Variants in SOX6 observed in about 807,000 individuals in gnomAD.
The protein encoded by SOX6 is SRY-box transcription factor 6, also known as transcription factor SOX-6.
SOX6 carries 11 observed loss-of-function variants against 97.8 expected under a neutral mutation model. The observed-to-expected ratio is 0.11, with a 90% confidence interval of 0.07 to 0.19. SOX6 has a LOEUF of 0.19. SOX6 is among the 10% of genes least tolerant of loss of function. The probability of loss-of-function intolerance (pLI) is 1.00; values close to 1 mark genes in which losing one functional copy is unlikely to be tolerated. For synonymous variants in SOX6, 360 were observed against 371.4 expected (o/e 0.97, Z 0.35); for missense variants, 810 against 1,039.5 (o/e 0.78, Z 3.04).
chr11:16,311,064 G>A (rs1260258349), intron 3 of SOX6, among the ~76,000 whole-genome samples: 1 of 152,090 alleles, frequency 6.6e-6, no homozygotes, highest in Non-Finnish European at 1.5e-5. Context: ...CAGAAGGGAT[G>A]ATTGGCTTTC....
At chr11:16,416,560 A>T (rs908424803) in intron 1 of SOX6, among the ~76,000 whole-genome samples, 1 of 152,216 alleles carries the variant, frequency 6.6e-6, no homozygotes, top group Non-Finnish European at 1.5e-5. Context: ...TATTTAAATT[A>T]AGGAGTCTTC....
chr11:16,583,150 G>C (rs1228161390), intron 4 of SOX6, among the ~76,000 whole-genome samples: 2 of 151,794 alleles, frequency 1.3e-5, no homozygotes, highest in Non-Finnish European at 2.9e-5. Context: ...TAAAGCTTTT[G>C]CATTATTTTT....
chr11:16,103,468 T>G (rs1048289194), intron 7 of SOX6, among the ~76,000 whole-genome samples: 2 of 151,830 alleles, frequency 1.3e-5, no homozygotes, highest in African/African-American at 4.8e-5. Flanking sequence ...GAAGAGTCCT[T>G]AAAGAACTAA....
At chr11:16,349,237 A>C (rs1856844309) in intron 1 of SOX6, among the ~76,000 whole-genome samples, 1 of 152,184 alleles carries the variant, frequency 6.6e-6, no homozygotes, top group East Asian at 1.9e-4. Context: ...CATTCCTTCT[A>C]ATACAGCAAA....
chr11:16,457,600 T>G (rs1349173008), intron 1 of SOX6, among the ~76,000 whole-genome samples: 1 of 152,102 alleles, frequency 6.6e-6, no homozygotes. Context: ...CAGAGTTGCA[T>G]CAAGTGAAGC....
chr11:16,581,304 T>A (rs184197509), intron 4 of SOX6, among the ~76,000 whole-genome samples: 3 of 152,086 alleles, frequency 2.0e-5, no homozygotes, highest in African/African-American at 7.2e-5. Context: ...TGCAGGGACA[T>A]GGATGAAGCA....
rs1179625688 is a variant in SOX6 at position 16,300,438 on chromosome 11, A to G, written c.445+18008T>C. Among the ~76,000 whole-genome samples the G allele has an allele frequency of 6.6e-6, 1 of 152,162 alleles. No individual in the cohort carries two copies. The highest frequency in any genetic ancestry group is 1.5e-5 in the Non-Finnish European group (1 of 68,026). On this transcript the variant is annotated intron_variant, in intron 3 of 15. Transcript: ENST00000683767. This position sits in a 1 kb window ranked among gnomAD's most constrained non-coding sequence, Gnocchi z 4.1. ...TTTTATTCTGACAAGCACTGTCTGG[A>G]GAGCTCTCAATAAATAATACATTGA...
chr11:16,624,448 T>C (rs1224169165), intron 3 of SOX6, among the ~76,000 whole-genome samples: 1 of 152,110 alleles, frequency 6.6e-6, no homozygotes, highest in Non-Finnish European at 1.5e-5. Flanking sequence ...AGTGCTGGGA[T>C]TACAGGCATG....
chr11:16,511,811 T>A (rs1247140486), intron 4 of SOX6, among the ~76,000 whole-genome samples: 3 of 152,166 alleles, frequency 2.0e-5, no homozygotes. Context: ...GACCACTGCA[T>A]CATAATTTCT....
chr11:16,081,998 A>G (rs1848482037), intron 9 of SOX6, among the ~76,000 whole-genome samples: 1 of 152,176 alleles, frequency 6.6e-6, no homozygotes, highest in Non-Finnish European at 1.5e-5. Context: ...TCCCACACAG[A>G]TATGAATAGA....
intron 3 of SOX6, chr11:16,317,763 G>A (rs752361730): frequency 5.8e-6 from 1 of 172,792 alleles, no homozygotes; most frequent in Admixed American, 5.9e-5. Context: ...CCTAAAATCT[G>A]TACATAAAAA....
intron 2 of SOX6, among the ~76,000 whole-genome samples, chr11:16,715,756 G>A (rs1293169147): frequency 2.0e-5 from 3 of 151,804 alleles, no homozygotes; most frequent in African/African-American, 7.3e-5. Context: ...TAAAAAAAAA[G>A]ATTAAAACAA....
chr11:16,653,062 G>A (rs1471585203), intron 3 of SOX6, among the ~76,000 whole-genome samples: 1 of 152,112 alleles, frequency 6.6e-6, no homozygotes, highest in Non-Finnish European at 1.5e-5. Flanking sequence ...AAACCTCAAT[G>A]AGCTACCACC....
At chr11:16,352,250 TGATGGATG>T (rs3030887) in intron 1 of SOX6, among the ~76,000 whole-genome samples, 6,373 of 147,406 alleles carry the variant, frequency 0.043, 252 homozygotes, top group African/African-American at 0.11. Flanking sequence ...AATGGGCAGA[TGATGGATG>T]GATGGATGGA....
intron 4 of SOX6, among the ~76,000 whole-genome samples, chr11:16,556,280 C>T (rs1293037938): frequency 9.2e-5 from 14 of 151,656 alleles, no homozygotes; most frequent in Admixed American, 7.9e-4. Context: ...ACAAACAACA[C>T]TCTCAGTAAA....
chr11:16,520,722 A>T (rs1309292197), intron 4 of SOX6, among the ~76,000 whole-genome samples: 1 of 152,206 alleles, frequency 6.6e-6, no homozygotes, highest in East Asian at 1.9e-4. Flanking sequence ...TCCCTTTCCC[A>T]GTCAAAGAAA....
At chr11:16,486,387 T>C (rs989172652) in intron 4 of SOX6, among the ~76,000 whole-genome samples, 5 of 152,192 alleles carry the variant, frequency 3.3e-5, no homozygotes, top group African/African-American at 1.2e-4. Context: ...ACACCTATTA[T>C]TGTCTTTTTT....
chr11:16,580,792 G>C (rs991763125), intron 4 of SOX6, among the ~76,000 whole-genome samples: 1 of 152,134 alleles, frequency 6.6e-6, no homozygotes, highest in Non-Finnish European at 1.5e-5. Context: ...CAAAGGATAT[G>C]AACAGACACT....
chr11:16,210,832 A>G (rs1399277463), intron 4 of SOX6, among the ~76,000 whole-genome samples: 1 of 152,220 alleles, frequency 6.6e-6, no homozygotes, highest in East Asian at 1.9e-4. Context: ...AACTCAGACA[A>G]TAAATACAAG....
Sources: gnomAD v4.1 joint callset for allele counts (sites outside exome capture counted in the v4.1 genomes callset) on GRCh38, gnomAD v4.1.1 for gene constraint, Gnocchi (gnomAD v3.1) non-coding constraint, MANE v1.5 for transcripts, NCBI Gene and HGNC (gene_info 2026-07-23, HGNC 2026-07-21) for gene names.